The following PAWR variants were observed in gnomAD, a reference collection of about 807,000 sequenced individuals.
PAWR encodes the protein pro-apoptotic WT1 regulator, also known as PRKC apoptosis WT1 regulator protein.
PAWR carries 23 observed loss-of-function variants against 32.0 expected under a neutral mutation model. That is an observed-to-expected ratio of 0.72 (90% CI 0.52 to 1.02). The LOEUF (loss-of-function observed/expected upper bound fraction) is 1.02, where lower values mean the gene tolerates loss of function less well. PAWR is among the 50% of genes least tolerant of loss of function. The pLI is 0.00. For missense variants in PAWR, 457 were observed against 437.7 expected (o/e 1.04, Z -0.39); for synonymous variants, 226 against 187.1 (o/e 1.21, Z -1.70).
chr12:79,613,630 T>C (rs754795205), intron 3 of PAWR, 21 bp from the exon 4 acceptor site: 4 of 1,437,540 alleles, frequency 2.8e-6, no homozygotes, highest in Admixed American at 3.4e-5. Flanking sequence ...AAAATAATTA[T>C]GTATCAGTTT....
rs754585839 is a variant in PAWR, at chr12:79,689,855, C to T, written c.390G>A (p.Pro130=). ...APPPQRDEEE[P]DGVPEKGKSS... is the part of the protein sequence containing the mutation. ...TCTTGCCCTTCTCTGGGACGCCGTC[C>T]GGCTCCTCCTCGTCACGCTGGGGCG... The change falls in exon 2 of 7, where the codon CCG becomes CCA. Residue 130 remains proline (P), a synonymous_variant. Transcript: ENST00000328827. The T allele has an allele frequency of 1.3e-6, 2 of 1,580,834 alleles. No homozygotes were observed. Among genetic ancestry groups the T allele is most frequent in the African/African-American group, 2.7e-5 (2 of 73,144 alleles).
intron 4 of PAWR, 112 bp from the exon 5 acceptor site, chr12:79,596,770 T>G (rs1337329105): frequency 1.7e-6 from 1 of 592,948 alleles, no homozygotes; most frequent in Admixed American, 3.5e-5. Flanking sequence ...CATATGGTTA[T>G]AGTAGCAACT....
chr12:79,586,397 T>C lies in PAWR; in HGVS notation c.*6210A>G, dbSNP rs1318969631. On this transcript the variant is annotated 3_prime_UTR_variant, in exon 7 of 7. Coordinates refer to ENST00000328827, the MANE Select transcript of PAWR (RefSeq NM_002583.4). Reference sequence around the variant, plus strand: ...CACCTTTCTATTCATTTCTTAATAATTTGTTTCCATAAAGCTAAAATGTCC... The same window carrying C: ...CACCTTTCTATTCATTTCTTAATAACTTGTTTCCATAAAGCTAAAATGTCC... 1 of 152,614 alleles carries C rather than the reference T, an allele frequency of 6.6e-6. No homozygotes were observed. Among genetic ancestry groups the C allele is most frequent in the Non-Finnish European group, 1.5e-5 (1 of 68,026 alleles). The allele number at this position is 152,614 out of a possible 1,614,324, so 9.5% of individuals were successfully genotyped here. A position where few individuals can be genotyped will look rare whatever the true frequency, so the allele number is the denominator to read the frequency against.
At chr12:79,678,723 G>A (rs149709700) in intron 2 of PAWR, among the ~76,000 whole-genome samples, 2 of 152,330 alleles carry the variant, frequency 1.3e-5, no homozygotes, top group African/African-American at 2.4e-5. Context: ...GCCTTTGCAC[G>A]TGCTATTTGC....
chr12:79,648,494 A>T (rs963396171), intron 2 of PAWR, among the ~76,000 whole-genome samples: 3 of 152,092 alleles, frequency 2.0e-5, no homozygotes, highest in East Asian at 1.9e-4. Flanking sequence ...TTAAACTTCT[A>T]TAATGTGTAT....
At chr12:79,689,628 G>C (rs992351165) in intron 2 of PAWR, 101 bp downstream of exon 2, 9 of 1,314,328 alleles carry the variant, frequency 6.8e-6, no homozygotes, top group African/African-American at 1.5e-5. Flanking sequence ...GTACGAGCCA[G>C]GGGAGGTAAA....
At chr12:79,666,084 C>A (rs1877588231) in intron 2 of PAWR, among the ~76,000 whole-genome samples, 1 of 152,182 alleles carries the variant, frequency 6.6e-6, no homozygotes, top group South Asian at 2.1e-4. Flanking sequence ...AAATAAGCAA[C>A]CTCTAAGATA....
At chr12:79,685,632 A>C (rs1407624845) in intron 2 of PAWR, among the ~76,000 whole-genome samples, 1 of 152,156 alleles carries the variant, frequency 6.6e-6, no homozygotes, top group African/African-American at 2.4e-5. Flanking sequence ...CCAAAAATAA[A>C]TTTACGTTTT....
chr12:79,690,340 G>C lies in PAWR; in HGVS notation c.-96C>G. On this transcript the variant is annotated 5_prime_UTR_variant, in exon 2 of 7. Coordinates refer to ENST00000328827, the MANE Select transcript of PAWR (RefSeq NM_002583.4). ...CTTCCTGCGGCCCCGAGGATGCCAG[G>C]AGACGACCTCCAGGAGAGGGACGGC... 5 of 1,359,804 alleles carry C rather than the reference G, an allele frequency of 3.7e-6. No individual in the cohort carries two copies. Among genetic ancestry groups the C allele is most frequent in the Non-Finnish European group, 4.7e-6 (5 of 1,060,536 alleles). 84.2% of individuals were successfully genotyped at this position (1,359,804 alleles called of 1,614,324 possible). A position where few individuals can be genotyped will look rare whatever the true frequency, so the allele number is the denominator to read the frequency against.
intron 2 of PAWR, among the ~76,000 whole-genome samples, chr12:79,636,002 C>T (rs1875944151): frequency 6.6e-6 from 1 of 151,580 alleles, no homozygotes; most frequent in Non-Finnish European, 1.5e-5. Context: ...GTCATAAATA[C>T]AAAAAAAATC....
intron 2 of PAWR, among the ~76,000 whole-genome samples, chr12:79,666,843 C>A (rs1877630908): frequency 6.6e-6 from 1 of 152,080 alleles, no homozygotes; most frequent in Non-Finnish European, 1.5e-5. Flanking sequence ...TAAACAAAAA[C>A]CCTTTAGGAT....
chr12:79,632,343 ATATATATATATATATATAT>A lies in PAWR; in HGVS notation c.517-11155_517-11137del, dbSNP rs1875724909. On this transcript the variant is annotated intron_variant, in intron 2 of 6. Coordinates refer to ENST00000328827, the MANE Select transcript of PAWR (RefSeq NM_002583.4). ...TATATATATATATATATATATATAT[ATATATATATATATATATAT>A]TTTTTTTTTTTTTTAGACAGGGTCT... Among the ~76,000 whole-genome samples, 31 of 58,242 alleles carry A rather than the reference ATATATATATATATATATAT, an allele frequency of 5.3e-4. 1 individual carries two copies. The African/African-American group carries it at 5.4e-3, about 10-fold the overall frequency. 38.2% of individuals were successfully genotyped at this position (58,242 alleles called of 152,430 possible).
At chr12:79,594,493 A>C in intron 5 of PAWR, 60 bp from the exon 6 acceptor site, 2 of 797,144 alleles carry the variant, frequency 2.5e-6, no homozygotes, top group Non-Finnish European at 4.1e-6. Context: ...TAATCTTCCT[A>C]AGTGGCATAT....
intron 2 of PAWR, among the ~76,000 whole-genome samples, chr12:79,637,881 G>A (rs958777001): frequency 1.3e-5 from 2 of 152,030 alleles, no homozygotes; most frequent in African/African-American, 2.4e-5. Context: ...ATCTTTCTAT[G>A]AGAACTAGTT....
chr12:79,601,681 T>C lies in PAWR; in HGVS notation c.684-5023A>G, dbSNP rs940530778. On this transcript the variant is annotated intron_variant, in intron 4 of 6. Transcript: ENST00000328827. ...AGAGCATAAGAAAAAGACTAAAATT[T>C]GTTTTATTTATGGTACAAAAGTTTG... 5.9e-5 allele frequency among the ~76,000 whole-genome samples: 9 copies of C among 152,316 alleles called. No individual in the cohort carries two copies. The South Asian group carries it at 1.9e-3, about 32-fold the overall frequency.
intron 2 of PAWR, among the ~76,000 whole-genome samples, chr12:79,681,323 G>A (rs1251593839): frequency 6.6e-6 from 1 of 152,070 alleles, no homozygotes; most frequent in African/African-American, 2.4e-5. Context: ...AACTGGACAT[G>A]GTGGCTCATG....
Position 79,654,642 on chromosome 12 carries a change from C to T in PAWR, c.517-33435G>A, listed in dbSNP as rs940642300. On this transcript the variant is annotated intron_variant, in intron 2 of 6. Transcript: ENST00000328827. ...AATTATAAGTAAGAGGTTTAATTGA[C>T]TCACAGTTCCACATGGCTGTGGAGG... Among the ~76,000 whole-genome samples the T allele has an allele frequency of 2.6e-5, 4 of 152,198 alleles. No individual in the cohort carries two copies. The East Asian group carries it at 5.8e-4, about 22-fold the overall frequency.
Position 79,653,187 on chromosome 12 carries a change from G to A in PAWR, c.517-31980C>T, listed in dbSNP as rs1004686575. Among the ~76,000 whole-genome samples, 21 of 151,772 alleles carry A rather than the reference G, an allele frequency of 1.4e-4. No homozygotes were observed. The East Asian group carries it at 2.6e-3, about 19-fold the overall frequency. On this transcript the variant is annotated intron_variant, in intron 2 of 6. Transcript: ENST00000328827. ...GCCTTCCAAGTTGCTTAGATTACAC[G>A]ACCACACTCAGCTAATTTTTGTATT... is the stretch of plus-strand genomic sequence containing the variant.
intron 2 of PAWR, among the ~76,000 whole-genome samples, chr12:79,663,143 G>A (rs1457068403): frequency 6.6e-6 from 1 of 152,138 alleles, no homozygotes; most frequent in Non-Finnish European, 1.5e-5. Context: ...GAATGCATAA[G>A]GTGTTCAGTA....
Sources: allele counts gnomAD v4.1 joint callset (sites outside exome capture counted in the v4.1 genomes callset), GRCh38; gene constraint gnomAD v4.1.1; transcripts MANE v1.5; gene names NCBI Gene and HGNC (gene_info 2026-07-23, HGNC 2026-07-21).